SCUBE1: variants seen among roughly 807,000 people sequenced by gnomAD.
The protein encoded by SCUBE1 is signal peptide, CUB domain and EGF like domain containing 1, also known as signal peptide, CUB and EGF-like domain-containing protein 1.
SCUBE1 carries 59 observed loss-of-function variants against 124.4 expected under a neutral mutation model. That is an observed-to-expected ratio of 0.47 (90% CI 0.38 to 0.59). The LOEUF (loss-of-function observed/expected upper bound fraction) is 0.59, where lower values mean the gene tolerates loss of function less well. Ranked by LOEUF, SCUBE1 falls within the 20% of genes least tolerant of loss-of-function variation. SCUBE1 has a pLI of 0.00. For missense variants in SCUBE1, 1,150 were observed against 1,371.2 expected, an observed-to-expected ratio of 0.84 and a Z score of 2.55; for synonymous variants, 545 against 550.9, an observed-to-expected ratio of 0.99 and a Z score of 0.15.
intron 4 of SCUBE1, among the ~76,000 whole-genome samples, chr22:43,289,618 C>T (rs1436739960): frequency 6.6e-6 from 1 of 152,256 alleles, no homozygotes; most frequent in East Asian, 1.9e-4. Flanking sequence ...TCTAATGAAA[C>T]TCATGCCTGG....
At chr22:43,328,764 A>G (rs1926809426) in intron 2 of SCUBE1, among the ~76,000 whole-genome samples, 1 of 151,922 alleles carries the variant, frequency 6.6e-6, no homozygotes, top group African/African-American at 2.4e-5. Context: ...CCCCGGGTGG[A>G]CTTCCTCTCC....
rs1920971598 is a variant in SCUBE1 at position 43,199,459 on chromosome 22, C to G, written c.*4538G>C. 6.6e-6 allele frequency: 1 copy of G among 151,434 alleles called. No homozygotes were observed. The highest frequency in any genetic ancestry group is 1.5e-5 in the Non-Finnish European group (1 of 68,168). 9.4% of individuals were successfully genotyped at this position (151,434 alleles called of 1,614,324 possible). ...AGGGGAAATGGCTTCTCTCCCAAGG[C>G]CTTCAAATTTGGCCTCTTGTGCCAT... On this transcript the variant is annotated 3_prime_UTR_variant, in exon 22 of 22. Coordinates refer to ENST00000360835, the MANE Select transcript of SCUBE1 (RefSeq NM_173050.5).
At chr22:43,294,203 C>T (rs974510910) in intron 3 of SCUBE1, among the ~76,000 whole-genome samples, 13 of 152,238 alleles carry the variant, frequency 8.5e-5, no homozygotes, top group South Asian at 6.2e-4. Context: ...GCCTCACCCC[C>T]GGCCCCCGAG....
At position 43,304,150 on chromosome 22, in the gene SCUBE1, C is replaced by A. The variant is rs558655733; in HGVS notation, c.350-12970G>T. On this transcript the variant is annotated intron_variant, in intron 3 of 21. Transcript: ENST00000360835. Reference sequence around the variant, plus strand: ...TGTGAGCTTTTGTTTCTCATGACTCCCTGAAGACCCCTGTTAACCTGCATA... The same window carrying A: ...TGTGAGCTTTTGTTTCTCATGACTCACTGAAGACCCCTGTTAACCTGCATA... Among the ~76,000 whole-genome samples, 40 of 152,324 alleles carry A rather than the reference C, an allele frequency of 2.6e-4. 1 individual carries two copies. In the Middle Eastern group the frequency reaches 0.01, roughly 39 times the overall value.
intron 16 of SCUBE1, 177 bp from the exon 17 acceptor site, chr22:43,212,769 G>T (rs894257473): frequency 1.6e-6 from 1 of 638,346 alleles, no homozygotes; most frequent in African/African-American, 1.8e-5. Flanking sequence ...AGGAAGCTGG[G>T]CCCTGGTCCG....
chr22:43,291,238 T>G, intron 3 of SCUBE1, 58 bp from the exon 4 acceptor site: 1 of 1,572,566 alleles, frequency 6.4e-7, no homozygotes, highest in Non-Finnish European at 8.7e-7. Flanking sequence ...AAGCAGGGCA[T>G]GAGGGGCTGG....
At chr22:43,300,214 G>A (rs1194455914) in intron 3 of SCUBE1, among the ~76,000 whole-genome samples, 2 of 151,784 alleles carry the variant, frequency 1.3e-5, no homozygotes, top group Non-Finnish European at 2.9e-5. Context: ...TACCACGGGC[G>A]ACACCGTTTT....
intron 10 of SCUBE1, among the ~76,000 whole-genome samples, chr22:43,224,018 C>T (rs1407461626): frequency 6.6e-6 from 1 of 152,106 alleles, no homozygotes; most frequent in Admixed American, 6.6e-5. Context: ...GTTTGCTTTG[C>T]TCCCTGAGCC....
intron 6 of SCUBE1, among the ~76,000 whole-genome samples, chr22:43,244,669 C>T (rs1328150126): frequency 1.3e-5 from 2 of 152,224 alleles, no homozygotes; most frequent in African/African-American, 2.4e-5. Context: ...AGTGCCAGCA[C>T]ACGGGGGGAC....
Position 43,258,182 on chromosome 22 carries a change from G to C in SCUBE1, c.727+37C>G. Reference sequence around the variant, plus strand: ...CACGCATGGGGGGTCGGGGGCGGGGGGCGCAAGGGTGGTGTGTGGCAGAGG... The same window carrying C: ...CACGCATGGGGGGTCGGGGGCGGGGCGCGCAAGGGTGGTGTGTGGCAGAGG... On this transcript the variant is annotated intron_variant, in intron 6 of 21. Transcript: ENST00000360835. This position sits in a 1 kb window ranked among gnomAD's most constrained non-coding sequence, Gnocchi z 5.0. 1 of 1,404,104 alleles carries C rather than the reference G, an allele frequency of 7.1e-7. No individual in the cohort carries two copies. Among genetic ancestry groups the C allele is most frequent in the Non-Finnish European group, 1.0e-6 (1 of 993,166 alleles). The allele number at this position is 1,404,104 out of a possible 1,614,324, so 87.0% of individuals were successfully genotyped here.
At chr22:43,322,146 G>T (rs1480414096) in intron 2 of SCUBE1, among the ~76,000 whole-genome samples, 1 of 152,054 alleles carries the variant, frequency 6.6e-6, no homozygotes, top group East Asian at 1.9e-4. Context: ...ACCATGCCCG[G>T]CTAATTTTTT....
Position 43,211,817 on chromosome 22 carries a change from C to T in SCUBE1, c.2221+608G>A, listed in dbSNP as rs1921572977. Among the ~76,000 whole-genome samples, 1 of 152,182 alleles carries T rather than the reference C, an allele frequency of 6.6e-6. No individual in the cohort carries two copies. Among genetic ancestry groups the T allele is most frequent in the African/African-American group, 2.4e-5 (1 of 41,448 alleles). ...GGGATTATAGGTGTGTGCCACCGCA[C>T]CTGGCTTCTTTTTTTAAATGGGCAA... is the stretch of plus-strand genomic sequence containing the variant. On this transcript the variant is annotated intron_variant, in intron 17 of 21. Transcript: ENST00000360835. This position sits in a 1 kb window ranked among gnomAD's most constrained non-coding sequence, Gnocchi z 4.5.
At chr22:43,278,120 A>C (rs1475374655) in intron 4 of SCUBE1, among the ~76,000 whole-genome samples, 4 of 152,264 alleles carry the variant, frequency 2.6e-5, no homozygotes, top group Non-Finnish European at 5.9e-5. Flanking sequence ...GGCTCATAAA[A>C]AATAATGGGC....
chr22:43,317,057 C>T (rs1159256084), intron 3 of SCUBE1: 1 of 152,112 alleles, frequency 6.6e-6, no homozygotes, highest in Non-Finnish European at 1.5e-5. Context: ...TTTAGAAAGC[C>T]ATAAAAAACC....
intron 4 of SCUBE1, among the ~76,000 whole-genome samples, chr22:43,278,792 T>G (rs1924639981): frequency 6.6e-6 from 1 of 152,272 alleles, no homozygotes. Context: ...GATGGGGACA[T>G]TAGTACTTAT....
At chr22:43,215,936 G>A (rs563881713) in intron 15 of SCUBE1, among the ~76,000 whole-genome samples, 104 of 152,250 alleles carry the variant, frequency 6.8e-4, no homozygotes, top group Middle Eastern at 3.4e-3. Flanking sequence ...TGTGGGAGAC[G>A]GGGCAGATGT....
intron 10 of SCUBE1, among the ~76,000 whole-genome samples, chr22:43,226,559 C>T (rs1206973724): frequency 5.2e-5 from 7 of 135,298 alleles, no homozygotes; most frequent in Admixed American, 3.3e-4. Context: ...CGGCAGCCTT[C>T]GGGCCATTCC....
chr22:43,287,883 G>A (rs1925206241), intron 4 of SCUBE1, among the ~76,000 whole-genome samples: 1 of 152,170 alleles, frequency 6.6e-6, no homozygotes, highest in African/African-American at 2.4e-5. Context: ...AACAGACTGA[G>A]GCTCAGAGAG....
chr22:43,293,676 G>C (rs2146754917), intron 3 of SCUBE1, among the ~76,000 whole-genome samples: 1 of 152,334 alleles, frequency 6.6e-6, no homozygotes, highest in African/African-American at 2.4e-5. Flanking sequence ...ACCTGGACAT[G>C]GGCAGCTGTC....
Sources: allele counts gnomAD v4.1 joint callset (sites outside exome capture counted in the v4.1 genomes callset), GRCh38; gene constraint gnomAD v4.1.1; non-coding constraint Gnocchi (gnomAD v3.1); transcripts MANE v1.5; gene names NCBI Gene and HGNC (gene_info 2026-07-23, HGNC 2026-07-21).